The following PTPRD variants were observed in gnomAD, a reference collection of about 807,000 sequenced individuals.
PTPRD encodes protein tyrosine phosphatase receptor type D, also known as receptor-type tyrosine-protein phosphatase delta.
Under a neutral mutation model 214.5 loss-of-function variants are expected in PTPRD, and 34 were observed. The ratio of observed to expected loss-of-function variants is 0.16; its 90% CI spans 0.12 to 0.21. The LOEUF (loss-of-function observed/expected upper bound fraction) is 0.21, where lower values mean the gene tolerates loss of function less well. Ranked by LOEUF, PTPRD falls within the 10% of genes least tolerant of loss-of-function variation. The pLI is 1.00. For synonymous variants in PTPRD, 1,128 were observed against 845.7 expected, an observed-to-expected ratio of 1.33 and a Z score of -5.79; for missense variants, 2,545 against 2,398.7, an observed-to-expected ratio of 1.06 and a Z score of -1.27.
chr9:8,716,098 T>G (rs2154410945), intron 12 of PTPRD, among the ~76,000 whole-genome samples: 1 of 152,294 alleles, frequency 6.6e-6, no homozygotes, highest in East Asian at 1.9e-4. Flanking sequence ...ACCAAGCTAT[T>G]TAATTGCGAA....
In PTPRD at chr9:8,729,213, C is replaced by G. The variant is rs74575624; in HGVS notation, c.64+4567G>C. 3.5e-3 allele frequency among the ~76,000 whole-genome samples: 532 copies of G among 152,232 alleles called. 3 individuals are homozygous for G. The highest frequency in any genetic ancestry group is 0.012 in the African/African-American group (516 of 41,540). On this transcript the variant is annotated intron_variant, in intron 12 of 45. Coordinates refer to ENST00000381196, the MANE Select transcript of PTPRD (RefSeq NM_002839.4). ...AACGCCTTCTACTATCCATTCTACCCAAGCCAAATTAATTTTAAATGTGTA... is the reference window on the plus strand; with the variant it reads ...AACGCCTTCTACTATCCATTCTACCGAAGCCAAATTAATTTTAAATGTGTA...
intron 44 of PTPRD, among the ~76,000 whole-genome samples, chr9:8,331,337 T>G (rs1011243410): frequency 3.3e-5 from 5 of 152,074 alleles, no homozygotes; most frequent in Non-Finnish European, 5.9e-5. Flanking sequence ...ATTGGTAATT[T>G]GGTTTGTCTA....
intron 11 of PTPRD, among the ~76,000 whole-genome samples, chr9:8,907,170 A>G (rs953552559): frequency 2.0e-5 from 3 of 152,114 alleles, no homozygotes; most frequent in African/African-American, 7.2e-5. Flanking sequence ...AACAACAAAA[A>G]ATAATAGAAA....
At chr9:10,403,281 A>G (rs2098305969) in intron 2 of PTPRD, among the ~76,000 whole-genome samples, 1 of 135,070 alleles carries the variant, frequency 7.4e-6, no homozygotes, top group Non-Finnish European at 1.6e-5. Context: ...TGAATGATCA[A>G]TTTCCTAAGG....
intron 5 of PTPRD, among the ~76,000 whole-genome samples, chr9:9,892,526 A>G (rs557373341): frequency 1.7e-4 from 26 of 152,246 alleles, no homozygotes; most frequent in African/African-American, 6.0e-4. Flanking sequence ...ATCATTGTGG[A>G]CACTTGTAAT....
At chr9:10,403,349 A>G (rs554806193) in intron 2 of PTPRD, among the ~76,000 whole-genome samples, 1 of 149,352 alleles carries the variant, frequency 6.7e-6, no homozygotes, top group Admixed American at 6.7e-5. Flanking sequence ...GTACACAGAA[A>G]GGATAAGTTA....
At chr9:9,056,758 T>G (rs2099696989) in intron 10 of PTPRD, among the ~76,000 whole-genome samples, 1 of 152,256 alleles carries the variant, frequency 6.6e-6, no homozygotes, top group African/African-American at 2.4e-5. Flanking sequence ...CCTGTACACT[T>G]TGCTGCATTT....
intron 14 of PTPRD, among the ~76,000 whole-genome samples, chr9:8,594,372 A>C (rs1046123502): frequency 6.6e-6 from 1 of 152,246 alleles, no homozygotes; most frequent in Non-Finnish European, 1.5e-5. Flanking sequence ...AGATCTCCTA[A>C]GAATCTGTAA....
intron 8 of PTPRD, among the ~76,000 whole-genome samples, chr9:9,491,162 G>T (rs982078967): frequency 4.6e-5 from 7 of 151,736 alleles, no homozygotes; most frequent in Admixed American, 3.3e-4. Context: ...ACAAATATAA[G>T]ATTTTAAAAC....
At chr9:9,483,165 G>A (rs1349244173) in intron 8 of PTPRD, among the ~76,000 whole-genome samples, 1 of 152,128 alleles carries the variant, frequency 6.6e-6, no homozygotes, top group Non-Finnish European at 1.5e-5. Context: ...TAGAAATCAT[G>A]CATAGAACAT....
chr9:8,593,500 A>G (rs1467826889), intron 14 of PTPRD, among the ~76,000 whole-genome samples: 1 of 152,238 alleles, frequency 6.6e-6, no homozygotes, highest in East Asian at 1.9e-4. Context: ...TGGTAGATAT[A>G]ACTAGTAGAT....
intron 12 of PTPRD, among the ~76,000 whole-genome samples, chr9:8,681,162 G>A (rs1410257831): frequency 1.3e-5 from 2 of 152,060 alleles, no homozygotes; most frequent in Non-Finnish European, 2.9e-5. Flanking sequence ...CACATCCACA[G>A]CTTCCCTGAT....
At chr9:8,741,705 C>CT (rs1348243913) in intron 11 of PTPRD, among the ~76,000 whole-genome samples, 1 of 150,442 alleles carries the variant, frequency 6.6e-6, no homozygotes, top group African/African-American at 2.5e-5. Flanking sequence ...ATTCTCCTGC[C>CT]TCAGCCTCCT....
intron 8 of PTPRD, among the ~76,000 whole-genome samples, chr9:9,571,753 T>C (rs1015867516): frequency 1.3e-4 from 20 of 150,982 alleles, no homozygotes; most frequent in Non-Finnish European, 3.0e-4. Context: ...TACTACATAT[T>C]GCTTATTTTA....
At chr9:8,321,526 T>TATATAAAA (rs1327118226) in intron 44 of PTPRD, among the ~76,000 whole-genome samples, 1 of 115,762 alleles carries the variant, frequency 8.6e-6, no homozygotes, top group African/African-American at 3.0e-5. Context: ...TATATATATA[T>TATATAAAA]AAAAGGTATA....
At chr9:10,420,505 C>G (rs1008975982) in intron 2 of PTPRD, among the ~76,000 whole-genome samples, 2 of 151,874 alleles carry the variant, frequency 1.3e-5, no homozygotes, top group Middle Eastern at 3.4e-3. Flanking sequence ...TGAGCAATTA[C>G]TCTCCATTTT....
intron 10 of PTPRD, among the ~76,000 whole-genome samples, chr9:9,126,478 T>C (rs2154471356): frequency 6.6e-6 from 1 of 152,362 alleles, no homozygotes; most frequent in Non-Finnish European, 1.5e-5. Flanking sequence ...ATAGGTTAAC[T>C]GATATAAACA....
chr9:9,560,591 G>C (rs1219337365), intron 8 of PTPRD, among the ~76,000 whole-genome samples: 3 of 152,144 alleles, frequency 2.0e-5, no homozygotes, highest in Admixed American at 6.5e-5. Flanking sequence ...ATGGCTGACC[G>C]GGCAAGCCTC....
At chr9:8,556,267 T>C (rs372517611) in intron 14 of PTPRD, among the ~76,000 whole-genome samples, 3 of 152,226 alleles carry the variant, frequency 2.0e-5, no homozygotes, top group East Asian at 1.9e-4. Context: ...AGAGCATATG[T>C]CATAACTAAT....
Sources: gnomAD v4.1 joint callset for allele counts (sites outside exome capture counted in the v4.1 genomes callset) on GRCh38, gnomAD v4.1.1 for gene constraint, MANE v1.5 for transcripts, NCBI Gene and HGNC (gene_info 2026-07-23, HGNC 2026-07-21) for gene names.